The following SEMA5A variants were observed in gnomAD, a reference collection of about 807,000 sequenced individuals.
SEMA5A encodes semaphorin-5A.
A neutral mutation model predicts 135.5 loss-of-function variants in SEMA5A; 55 were observed. That is an observed-to-expected ratio of 0.41 (90% CI 0.33 to 0.51). The LOEUF is 0.51. Ranked by LOEUF, SEMA5A falls within the 20% of genes least tolerant of loss-of-function variation. The pLI is 0.37. For missense variants in SEMA5A, 1,290 were observed against 1,419.9 expected (o/e 0.91, Z 1.47); for synonymous variants, 580 against 546.5 (o/e 1.06, Z -0.85).
chr5:9,264,331 G>A (rs758486650), intron 5 of SEMA5A, among the ~76,000 whole-genome samples: 24 of 152,272 alleles, frequency 1.6e-4, no homozygotes, highest in Non-Finnish European at 3.1e-4. Context: ...GGCCAGGAAG[G>A]TGAGGGAAAG....
chr5:9,504,165 A>T (rs575326921), intron 1 of SEMA5A, among the ~76,000 whole-genome samples: 1 of 149,778 alleles, frequency 6.7e-6, no homozygotes, highest in East Asian at 2.0e-4. Flanking sequence ...CAGTGAGCCA[A>T]GGTCACGCCA....
chr5:9,115,229 CT>C (rs1740450279), intron 15 of SEMA5A, among the ~76,000 whole-genome samples: 1 of 152,188 alleles, frequency 6.6e-6, no homozygotes, highest in Non-Finnish European at 1.5e-5. Flanking sequence ...GCACATTCTA[CT>C]GACAGGAAGG....
chr5:9,161,773 G>T (rs1400232098), intron 11 of SEMA5A, among the ~76,000 whole-genome samples: 2 of 152,180 alleles, frequency 1.3e-5, no homozygotes, highest in African/African-American at 4.8e-5. Flanking sequence ...TTCACATATT[G>T]AACCTTGCCC....
intron 3 of SEMA5A, among the ~76,000 whole-genome samples, chr5:9,361,144 C>T (rs779178804): frequency 4.6e-5 from 7 of 151,882 alleles, no homozygotes; most frequent in African/African-American, 9.7e-5. Context: ...ACTAAAAATA[C>T]GAAAATTAGC....
Position 9,148,309 on chromosome 5 carries a change from C to T in SEMA5A, c.1481+6179G>A, listed in dbSNP as rs141617474. Among the ~76,000 whole-genome samples, 7 of 152,180 alleles carry T rather than the reference C, an allele frequency of 4.6e-5. No homozygotes were observed. In the East Asian group the frequency reaches 1.4e-3, roughly 29 times the overall value. On this transcript the variant is annotated intron_variant, in intron 12 of 22. Coordinates refer to ENST00000382496, the MANE Select transcript of SEMA5A (RefSeq NM_003966.3). ...TAATCTAACTTAGGGGTCAGCAAACCACACAGCCTGTGGCCAAATTCATAC... is the reference window on the plus strand; with the variant it reads ...TAATCTAACTTAGGGGTCAGCAAACTACACAGCCTGTGGCCAAATTCATAC...
At position 9,289,230 on chromosome 5, in the gene SEMA5A, C is replaced by T. The variant is rs536692290; in HGVS notation, c.270+29142G>A. Among the ~76,000 whole-genome samples, 14 of 152,010 alleles carry T rather than the reference C, an allele frequency of 9.2e-5. No homozygotes were observed. The East Asian group carries it at 2.7e-3, about 29-fold the overall frequency. ...TATACACATCTGAAAATAATGACATCAAGATAAAATGATTGATATTATAAA... is the reference window on the plus strand; with the variant it reads ...TATACACATCTGAAAATAATGACATTAAGATAAAATGATTGATATTATAAA... On this transcript the variant is annotated intron_variant, in intron 5 of 22. Coordinates refer to ENST00000382496, the MANE Select transcript of SEMA5A (RefSeq NM_003966.3).
At chr5:9,044,263 G>T in intron 22 of SEMA5A, 110 bp downstream of exon 22, 1 of 931,680 alleles carries the variant, frequency 1.1e-6, no homozygotes, top group Non-Finnish European at 1.7e-6. Context: ...CACATAGGGA[G>T]AAAATTCAGT....
intron 5 of SEMA5A, among the ~76,000 whole-genome samples, chr5:9,314,089 C>T (rs1350016631): frequency 2.6e-5 from 4 of 152,096 alleles, no homozygotes; most frequent in Admixed American, 6.6e-5. Flanking sequence ...TGATCTGTTT[C>T]ATCATTTTTC....
At chr5:9,191,633 TGA>T (rs2067215) in intron 10 of SEMA5A, among the ~76,000 whole-genome samples, 150,903 of 152,290 alleles carry the variant, frequency 0.99, 74,779 homozygotes, top group East Asian at 1. Context: ...GAAAAGTAGA[TGA>T]GATATTTGTA....
At chr5:9,252,868 G>T (rs746862195) in intron 5 of SEMA5A, among the ~76,000 whole-genome samples, 1 of 152,172 alleles carries the variant, frequency 6.6e-6, no homozygotes, top group Non-Finnish European at 1.5e-5. Context: ...AAGAGATGAA[G>T]ATGAGGGCCT....
intron 16 of SEMA5A, among the ~76,000 whole-genome samples, chr5:9,082,414 C>T (rs150648743): frequency 1.3e-5 from 2 of 152,250 alleles, no homozygotes; most frequent in East Asian, 3.9e-4. Context: ...GTTGATTCTT[C>T]ATTAGGGTTG....
At chr5:9,124,922 G>A (rs915992814) in intron 13 of SEMA5A, among the ~76,000 whole-genome samples, 8 of 152,028 alleles carry the variant, frequency 5.3e-5, no homozygotes, top group Middle Eastern at 3.2e-3. Flanking sequence ...CACTACCATC[G>A]GAAAGACTCA....
In SEMA5A at chr5:9,042,930, G is replaced by A; in HGVS notation, c.3192C>T (p.Tyr1064=). 1 of 1,613,832 alleles carries A rather than the reference G, an allele frequency of 6.2e-7. No individual in the cohort carries two copies. The highest frequency in any genetic ancestry group is 8.5e-7 in the Non-Finnish European group (1 of 1,179,792). ...HLTGKTYSNA[Y]FTDLNNYDEY is the part of the protein sequence containing the mutation. ...CATCATAATTATTGAGATCTGTAAA[G>A]TAGGCATTAGAATAGGTCTTCCCAG... Residue 1064 remains tyrosine, a synonymous_variant, in exon 23 of 23, where the codon TAC becomes TAT. Coordinates refer to ENST00000382496, the MANE Select transcript of SEMA5A (RefSeq NM_003966.3).
At chr5:9,050,935 C>T (rs1368556084) in intron 20 of SEMA5A, among the ~76,000 whole-genome samples, 1 of 152,208 alleles carries the variant, frequency 6.6e-6, no homozygotes, top group Non-Finnish European at 1.5e-5. Context: ...GCCACTGATG[C>T]TCTTGGCATG....
At chr5:9,053,596 C>T (rs946419894) in intron 19 of SEMA5A, among the ~76,000 whole-genome samples, 2 of 152,058 alleles carry the variant, frequency 1.3e-5, no homozygotes, top group African/African-American at 4.8e-5. Context: ...GTGGCTGCAC[C>T]CAGGCTGGTT....
intron 2 of SEMA5A, among the ~76,000 whole-genome samples, chr5:9,435,193 A>T (rs12520210): frequency 0.53 from 80,757 of 151,948 alleles, 22,495 homozygotes; most frequent in Middle Eastern, 0.66. Flanking sequence ...TTGTTCAACA[A>T]AATTATCAGA....
intron 1 of SEMA5A, among the ~76,000 whole-genome samples, chr5:9,466,733 G>T (rs1336290892): frequency 6.6e-6 from 1 of 152,156 alleles, no homozygotes; most frequent in Non-Finnish European, 1.5e-5. Context: ...AATTATCTGG[G>T]CTTGGTTTCA....
intron 11 of SEMA5A, among the ~76,000 whole-genome samples, chr5:9,180,153 C>A (rs1050091023): frequency 6.6e-6 from 1 of 152,166 alleles, no homozygotes; most frequent in Non-Finnish European, 1.5e-5. Context: ...TAAGGGTCCA[C>A]TGTACTCCAG....
chr5:9,433,662 G>A (rs1334955286), intron 2 of SEMA5A, among the ~76,000 whole-genome samples: 1 of 127,586 alleles, frequency 7.8e-6, no homozygotes, highest in East Asian at 2.5e-4. Flanking sequence ...GCTAATTATT[G>A]CTTGAAAAAA....
Sources: allele counts gnomAD v4.1 joint callset (sites outside exome capture counted in the v4.1 genomes callset), GRCh38; gene constraint gnomAD v4.1.1; transcripts MANE v1.5; gene names NCBI Gene and HGNC (gene_info 2026-07-23, HGNC 2026-07-21).